The following MDGA2 variants were observed in gnomAD, a reference collection of about 807,000 sequenced individuals.
MDGA2 encodes the protein MAM domain containing glycosylphosphatidylinositol anchor 2.
A neutral mutation model predicts 117.8 loss-of-function variants in MDGA2; 40 were observed. The ratio of observed to expected loss-of-function variants is 0.34; its 90% confidence interval spans 0.26 to 0.44. The LOEUF (loss-of-function observed/expected upper bound fraction) is 0.44, where lower values mean the gene tolerates loss of function less well. Ranked by LOEUF, MDGA2 falls within the 20% of genes least tolerant of loss-of-function variation. The pLI is 1.00. For missense variants in MDGA2, 1,123 were observed against 1,250.6 expected, an observed-to-expected ratio of 0.90 and a Z score of 1.54; for synonymous variants, 452 against 439.0, an observed-to-expected ratio of 1.03 and a Z score of -0.37.
chr14:47,225,170 T>G (rs1886439787), intron 2 of MDGA2, among the ~76,000 whole-genome samples: 2 of 152,152 alleles, frequency 1.3e-5, no homozygotes, highest in Non-Finnish European at 2.9e-5. Context: ...CAACAGGTGC[T>G]GGAGAGGATG....
intron 16 of MDGA2, 100 bp downstream of exon 16, chr14:46,845,664 CTA>C (rs2138271222): frequency 1.4e-6 from 1 of 702,466 alleles, no homozygotes; most frequent in East Asian, 2.9e-5. Flanking sequence ...AATAAACCAA[CTA>C]AAAATAACTC....
At chr14:47,400,578 T>TA (rs1378793615) in intron 1 of MDGA2, among the ~76,000 whole-genome samples, 1 of 150,666 alleles carries the variant, frequency 6.6e-6, no homozygotes, top group East Asian at 2.0e-4. Flanking sequence ...CCCTTAGTGG[T>TA]AGGAGGCTGA....
intron 2 of MDGA2, among the ~76,000 whole-genome samples, chr14:47,284,150 A>G (rs187779866): frequency 6.1e-4 from 93 of 152,318 alleles, no homozygotes; most frequent in Admixed American, 1.9e-3. Flanking sequence ...TTCTAATAAA[A>G]TATAAGAAGA....
intron 1 of MDGA2, among the ~76,000 whole-genome samples, chr14:47,350,588 C>A (rs111886960): frequency 6.6e-6 from 1 of 151,974 alleles, no homozygotes; most frequent in African/African-American, 2.4e-5. Context: ...TGTGTGTGTG[C>A]GCGCACACGT....
chr14:47,390,345 C>A (rs1188283301), intron 1 of MDGA2, among the ~76,000 whole-genome samples: 2 of 151,848 alleles, frequency 1.3e-5, no homozygotes, highest in African/African-American at 2.4e-5. Context: ...GAAATGGAAT[C>A]ATCAGGGAAG....
chr14:46,933,340 T>C (rs1280436033), intron 9 of MDGA2, among the ~76,000 whole-genome samples: 1 of 151,998 alleles, frequency 6.6e-6, no homozygotes, highest in African/African-American at 2.4e-5. Flanking sequence ...GCAAGAAGTC[T>C]TTAAAAAAAT....
chr14:47,360,486 CTTTCCCAAT>C (rs1891096668), intron 1 of MDGA2, among the ~76,000 whole-genome samples: 1 of 152,044 alleles, frequency 6.6e-6, no homozygotes, highest in Non-Finnish European at 1.5e-5. Context: ...TGAAAAGGTG[CTTTCCCAAT>C]GAGAGAAATG....
At chr14:47,320,584 T>G (rs566102512) in intron 1 of MDGA2, among the ~76,000 whole-genome samples, 1 of 152,216 alleles carries the variant, frequency 6.6e-6, no homozygotes, top group South Asian at 2.1e-4. Flanking sequence ...TTCTCTCCTC[T>G]TTTCCTCCAT....
chr14:47,459,322 C>T (rs754336790), intron 1 of MDGA2, among the ~76,000 whole-genome samples: 3 of 152,036 alleles, frequency 2.0e-5, no homozygotes, highest in Admixed American at 6.6e-5. Flanking sequence ...GGTCCTGCAT[C>T]CCCAAGAATT....
chr14:47,666,489 C>T (rs1897968259), intron 1 of MDGA2, among the ~76,000 whole-genome samples: 1 of 152,174 alleles, frequency 6.6e-6, no homozygotes, highest in Admixed American at 6.5e-5. Context: ...CACCAATCGA[C>T]ACTCTGTATC....
At chr14:47,013,790 A>ATATATATATATATATATATATATC (rs768237823) in intron 8 of MDGA2, among the ~76,000 whole-genome samples, 2 of 133,078 alleles carry the variant, frequency 1.5e-5, no homozygotes, top group Non-Finnish European at 3.3e-5. Flanking sequence ...ATATATATAT[A>ATATATATATATATATATATATATC]TATCTCCTTT....
chr14:47,649,825 T>C (rs1475507306), intron 1 of MDGA2, among the ~76,000 whole-genome samples: 3 of 152,062 alleles, frequency 2.0e-5, no homozygotes, highest in African/African-American at 7.2e-5. Context: ...TAGGGGATGG[T>C]GATAATTGAG....
At chr14:46,994,411 C>T (rs572001699) in intron 8 of MDGA2, among the ~76,000 whole-genome samples, 85 of 152,202 alleles carry the variant, frequency 5.6e-4, no homozygotes, top group African/African-American at 1.9e-3. Flanking sequence ...GGAGTGAAGA[C>T]AGTCTGCAAA....
In MDGA2 at chr14:47,117,439, A is replaced by G. The variant is rs540840143; in HGVS notation, c.925+14275T>C. 1.2e-4 allele frequency among the ~76,000 whole-genome samples: 19 copies of G among 152,322 alleles called. 1 individual carries two copies. Among genetic ancestry groups the G allele is most frequent in the African/African-American group, 4.3e-4 (18 of 41,584 alleles). ...GAAATGAAATCAGGATCTCAAAGAT[A>G]TATTAGGATTCCTATATTCACTGCA... On this transcript the variant is annotated intron_variant, in intron 5 of 16. Coordinates refer to ENST00000399232, the MANE Select transcript of MDGA2 (RefSeq NM_001113498.3).
At chr14:47,408,920 G>A (rs1401211815) in intron 1 of MDGA2, among the ~76,000 whole-genome samples, 4 of 152,050 alleles carry the variant, frequency 2.6e-5, no homozygotes, top group Admixed American at 2.0e-4. Flanking sequence ...TTAGCCAGGT[G>A]GACACATGAA....
chr14:47,238,024 C>G (rs1419748949), intron 2 of MDGA2, among the ~76,000 whole-genome samples: 1 of 152,118 alleles, frequency 6.6e-6, no homozygotes, highest in Non-Finnish European at 1.5e-5. Flanking sequence ...CACCCCCAGT[C>G]ACTGAACTCA....
intron 14 of MDGA2, among the ~76,000 whole-genome samples, chr14:46,864,226 G>A (rs1028330390): frequency 4.6e-5 from 7 of 150,726 alleles, no homozygotes; most frequent in Non-Finnish European, 1.0e-4. Context: ...ATGTGAGGGT[G>A]GTTAAATGAG....
chr14:47,529,560 T>C (rs1487374125), intron 1 of MDGA2, among the ~76,000 whole-genome samples: 2 of 152,258 alleles, frequency 1.3e-5, no homozygotes, highest in East Asian at 3.9e-4. Context: ...AAGAAAAACA[T>C]GTATTCTTGT....
chr14:47,451,013 A>G (rs531365210), intron 1 of MDGA2, among the ~76,000 whole-genome samples: 1 of 152,206 alleles, frequency 6.6e-6, no homozygotes, highest in South Asian at 2.1e-4. Flanking sequence ...GCTCACCACA[A>G]AAGGGATACT....
Sources: gnomAD v4.1 joint callset for allele counts (sites outside exome capture counted in the v4.1 genomes callset) on GRCh38, gnomAD v4.1.1 for gene constraint, MANE v1.5 for transcripts, NCBI Gene and HGNC (gene_info 2026-07-23, HGNC 2026-07-21) for gene names.